CDH12: variants seen among roughly 807,000 people sequenced by gnomAD.
CDH12 encodes cadherin-12.
A neutral mutation model predicts 74.1 loss-of-function variants in CDH12; 41 were observed. That is an observed-to-expected ratio of 0.55 (90% confidence interval 0.43 to 0.72). CDH12 has a LOEUF of 0.72. CDH12 is among the 30% of genes least tolerant of loss of function. CDH12 has a pLI of 0.00. For synonymous variants in CDH12, 399 were observed against 355.0 expected (o/e 1.12, Z -1.39); for missense variants, 945 against 977.2 (o/e 0.97, Z 0.44).
intron 1 of CDH12, among the ~76,000 whole-genome samples, chr5:22,824,251 G>T (rs1238951103): frequency 6.6e-6 from 1 of 152,098 alleles, no homozygotes; most frequent in Non-Finnish European, 1.5e-5. Context: ...CAAGCACACA[G>T]AAACTGAGTG....
chr5:21,883,823 T>C (rs1422863117), intron 6 of CDH12: 8 of 1,599,886 alleles, frequency 5.0e-6, no homozygotes, highest in Non-Finnish European at 6.9e-6. Context: ...GGACAAGTGA[T>C]GTTGAAGTGA....
At chr5:22,339,137 T>A (rs1277682380) in intron 3 of CDH12, among the ~76,000 whole-genome samples, 1 of 152,152 alleles carries the variant, frequency 6.6e-6, no homozygotes, top group Non-Finnish European at 1.5e-5. Context: ...ATGACAAATG[T>A]TTGTTTTTTT....
intron 4 of CDH12, among the ~76,000 whole-genome samples, chr5:22,149,405 G>C (rs966858143): frequency 6.6e-6 from 1 of 152,100 alleles, no homozygotes; most frequent in Non-Finnish European, 1.5e-5. Flanking sequence ...GGTCTTTACC[G>C]TAATGCTTCA....
intron 4 of CDH12, chr5:22,143,237 T>C (rs1385411108): frequency 6.5e-6 from 1 of 153,380 alleles, no homozygotes; most frequent in Non-Finnish European, 1.5e-5. Context: ...TGAATGGTTT[T>C]ATATATACAT....
chr5:22,288,904 A>AT (rs1737269564), intron 3 of CDH12, among the ~76,000 whole-genome samples: 1 of 152,222 alleles, frequency 6.6e-6, no homozygotes, highest in Non-Finnish European at 1.5e-5. Context: ...TACTGAGGAA[A>AT]TATAAAAATG....
rs1190338725 is a variant in CDH12 at position 22,385,026 on chromosome 5, A to C, written c.-333+20231T>G. ...TTTTAATCACAAATGACTTATATTA[A>C]TGAATGTCTTTTAGTAGAGTGAACT... On this transcript the variant is annotated intron_variant, in intron 3 of 14. Coordinates refer to ENST00000382254, the MANE Select transcript of CDH12 (RefSeq NM_004061.5). Among the ~76,000 whole-genome samples, 3 of 152,194 alleles carry C rather than the reference A, an allele frequency of 2.0e-5. No individual in the cohort carries two copies. The South Asian group carries it at 6.2e-4, about 31-fold the overall frequency.
intron 1 of CDH12, among the ~76,000 whole-genome samples, chr5:22,720,807 G>A (rs1743841893): frequency 6.6e-6 from 1 of 152,178 alleles, no homozygotes; most frequent in South Asian, 2.1e-4. Flanking sequence ...GGTCACCCTT[G>A]CTATGGTTTA....
intron 13 of CDH12, among the ~76,000 whole-genome samples, chr5:21,759,407 C>T (rs998289916): frequency 6.0e-5 from 9 of 149,994 alleles, no homozygotes; most frequent in Non-Finnish European, 1.3e-4. Flanking sequence ...CCATGTCTCT[C>T]CCTCCCTCTA....
intron 3 of CDH12, among the ~76,000 whole-genome samples, chr5:22,328,835 C>A (rs563007029): frequency 6.6e-6 from 1 of 152,086 alleles, no homozygotes; most frequent in African/African-American, 2.4e-5. Flanking sequence ...TTTAAGAAAT[C>A]TATAGTCAGG....
chr5:22,323,698 T>A (rs1416300983), intron 3 of CDH12, among the ~76,000 whole-genome samples: 1 of 152,132 alleles, frequency 6.6e-6, no homozygotes, highest in Admixed American at 6.5e-5. Flanking sequence ...TGAAACATGA[T>A]TAAGAGAAGG....
chr5:22,405,852 T>A (rs1742916987), intron 2 of CDH12, among the ~76,000 whole-genome samples: 2 of 152,146 alleles, frequency 1.3e-5, no homozygotes, highest in Admixed American at 1.3e-4. Flanking sequence ...AAGTTCCTAA[T>A]ATAAAATGGC....
intron 1 of CDH12, among the ~76,000 whole-genome samples, chr5:22,756,891 G>A (rs563607776): frequency 2.0e-5 from 3 of 151,870 alleles, no homozygotes; most frequent in South Asian, 4.2e-4. Flanking sequence ...CCCGGGAGGC[G>A]GAGGTTGCAG....
At chr5:21,933,351 C>A (rs1366664215) in intron 6 of CDH12, among the ~76,000 whole-genome samples, 1 of 152,042 alleles carries the variant, frequency 6.6e-6, no homozygotes. Context: ...GTGAAAATGC[C>A]ATTGGGCCTC....
chr5:22,593,870 G>C (rs576541593), intron 1 of CDH12, among the ~76,000 whole-genome samples: 5 of 152,244 alleles, frequency 3.3e-5, no homozygotes, highest in African/African-American at 1.2e-4. Flanking sequence ...GCTGCTTTTA[G>C]CTACATTCTA....
At chr5:22,422,512 G>A (rs758771199) in intron 2 of CDH12, among the ~76,000 whole-genome samples, 2 of 151,990 alleles carry the variant, frequency 1.3e-5, no homozygotes, top group African/African-American at 2.4e-5. Flanking sequence ...ATGTTCATCA[G>A]AAGGATTGGC....
intron 6 of CDH12, among the ~76,000 whole-genome samples, chr5:21,873,623 A>G (rs998554276): frequency 1.3e-5 from 2 of 152,110 alleles, no homozygotes; most frequent in Non-Finnish European, 2.9e-5. Context: ...CTATTTTTTA[A>G]AAATTTTATT....
chr5:22,004,289 T>A (rs115261301), intron 5 of CDH12, among the ~76,000 whole-genome samples: 10,309 of 152,270 alleles, frequency 0.068, 432 homozygotes, highest in Admixed American at 0.12. Flanking sequence ...AAGCTAGTTA[T>A]GAAGCCACTC....
intron 9 of CDH12, among the ~76,000 whole-genome samples, chr5:21,811,988 C>T (rs1468724075): frequency 6.6e-6 from 1 of 151,904 alleles, no homozygotes; most frequent in East Asian, 1.9e-4. Context: ...TTAATCTAAA[C>T]CTGACCATCA....
chr5:22,452,991 C>T (rs2662501), intron 2 of CDH12, among the ~76,000 whole-genome samples: 70,825 of 149,128 alleles, frequency 0.47, 17,048 homozygotes, highest in Admixed American at 0.65. Flanking sequence ...ATATGTTCAA[C>T]ATCATTATTA....
Sources: allele counts gnomAD v4.1 joint callset (sites outside exome capture counted in the v4.1 genomes callset), GRCh38; gene constraint gnomAD v4.1.1; transcripts MANE v1.5; gene names NCBI Gene and HGNC (gene_info 2026-07-23, HGNC 2026-07-21).